Variants in FSCN1 observed in about 807,000 individuals in gnomAD.
FSCN1 encodes fascin actin-bundling protein 1, also known as fascin.
FSCN1 carries 10 observed loss-of-function variants against 39.7 expected under a neutral mutation model. The ratio of observed to expected loss-of-function variants is 0.25; its 90% confidence interval spans 0.16 to 0.43. The LOEUF (loss-of-function observed/expected upper bound fraction) is 0.43, where lower values mean the gene tolerates loss of function less well. FSCN1 is among the 20% of genes least tolerant of loss of function. The pLI is 1.00. For missense variants in FSCN1, 525 were observed against 723.8 expected (o/e 0.73, Z 3.15); for synonymous variants, 322 against 320.0 (o/e 1.01, Z -0.07).
chr7:5,601,448 C>G (rs1481350201), intron 1 of FSCN1, among the ~76,000 whole-genome samples: 1 of 152,068 alleles, frequency 6.6e-6, no homozygotes, highest in African/African-American at 2.4e-5. Flanking sequence ...GGTGATCCAC[C>G]CGCCTCAGCT....
At position 5,603,990 on chromosome 7, in the gene FSCN1, C is replaced by T. The variant is rs1785883821; in HGVS notation, c.1239C>T (p.Val413=). 1.9e-6 allele frequency: 3 copies of T among 1,613,828 alleles called. No individual in the cohort carries two copies. The highest frequency in any genetic ancestry group is 1.7e-5 in the Admixed American group (1 of 59,998). Residue 413 remains valine (V), a synonymous_variant, in exon 4 of 5, where the codon GTC becomes GTT. Transcript: ENST00000382361. The surrounding 1 kb of genome is among the most constrained non-coding windows in gnomAD (Gnocchi z 8.5). ...TLDANRSSYD[V]FQLEFNDGAY... ...ACGCCAACCGCTCCAGCTATGACGT[C>T]TTCCAGCTGGAGTTCAACGATGGCG...
rs990613070 is a variant in FSCN1 at position 5,603,732 on chromosome 7, G to A, written c.1111+115G>A. 1 of 1,526,270 alleles carries A rather than the reference G, an allele frequency of 6.6e-7. No homozygotes were observed. The highest frequency in any genetic ancestry group is 9.0e-7 in the Non-Finnish European group (1 of 1,114,748). The allele number at this position is 1,526,270 out of a possible 1,614,324, so 94.5% of individuals were successfully genotyped here. On this transcript the variant is annotated intron_variant, in intron 3 of 4. Transcript: ENST00000382361. This position sits in a 1 kb window ranked among gnomAD's most constrained non-coding sequence, Gnocchi z 8.5. ...CTGCTCTGTGCTGGGCATCCCCCCGGACTGGCCCCGCACTGTCCTACCCTG... is the reference window on the plus strand; with the variant it reads ...CTGCTCTGTGCTGGGCATCCCCCCGAACTGGCCCCGCACTGTCCTACCCTG...
Position 5,599,281 on chromosome 7 carries a change from G to A in FSCN1, c.833-3976G>A, listed in dbSNP as rs1584301158. 6.6e-6 allele frequency among the ~76,000 whole-genome samples: 1 copy of A among 152,106 alleles called. No individual in the cohort carries two copies. Among genetic ancestry groups the A allele is most frequent in the African/African-American group, 2.4e-5 (1 of 41,410 alleles). On this transcript the variant is annotated intron_variant, in intron 1 of 4. Transcript: ENST00000382361. This position sits in a 1 kb window ranked among gnomAD's most constrained non-coding sequence, Gnocchi z 5.6. ...GAACCTGGGGGGTGGAGCCCAAGGG[G>A]TTCCAAGAAGGGGCGGGGCCAGGAA...
At position 5,593,353 on chromosome 7, in the gene FSCN1, C is replaced by G; in HGVS notation, c.417C>G (p.His139Gln). ...AEKWSVHIAMHPQVNIYSVTR... is the reference protein window; with the variant it reads ...AEKWSVHIAMQPQVNIYSVTR... ...AGTGGAGCGTGCACATCGCCATGCA[C>G]CCTCAGGTCAACATCTACAGCGTCA... The change falls in exon 1 of 5, where the codon CAC (histidine) becomes CAG (glutamine). Residue 139 changes from histidine (H) to glutamine (Q), a missense_variant. His to Gln is a conservative substitution (Grantham distance 24, BLOSUM62 0). This residue lies in a region of FSCN1 where 246 missense variants were observed against 350.6 expected (regional missense o/e 0.70). Coordinates refer to ENST00000382361, the MANE Select transcript of FSCN1 (RefSeq NM_003088.4). 2 of 1,612,366 alleles carry G rather than the reference C, an allele frequency of 1.2e-6. No individual in the cohort carries two copies. The highest frequency in any genetic ancestry group is 1.7e-6 in the Non-Finnish European group (2 of 1,179,798).
intron 1 of FSCN1, chr7:5,594,980 C>G (rs572943931): frequency 1.3e-5 from 2 of 152,486 alleles, no homozygotes; most frequent in South Asian, 4.1e-4. Flanking sequence ...TTCCTTTTGG[C>G]GTCCTCTTCC....
At position 5,605,377 on chromosome 7, in the gene FSCN1, C is replaced by T; in HGVS notation, c.1385C>T (p.Ala462Val). ...FFEFCDYNKV[A>V]IKVGGRYLKG... ...GAGTTCTGCGACTATAACAAGGTGG[C>T]CATCAAGGTGGGCGGGCGCTACCTG... is the stretch of plus-strand genomic sequence containing the variant. Residue 462 changes from alanine (A) to valine (V), a missense_variant, in exon 5 of 5, where the codon GCC (alanine) becomes GTC (valine). Physicochemically the swap from Ala to Val is moderately conservative, Grantham distance 64. Coordinates refer to ENST00000382361, the MANE Select transcript of FSCN1 (RefSeq NM_003088.4). This position sits in a 1 kb window ranked among gnomAD's most constrained non-coding sequence, Gnocchi z 6.9. 2 of 1,613,678 alleles carry T rather than the reference C, an allele frequency of 1.2e-6. No homozygotes were observed. The highest frequency in any genetic ancestry group is 2.2e-5 in the South Asian group (2 of 91,086).
Position 5,603,233 on chromosome 7 carries a change from C to T in FSCN1, c.833-24C>T. On this transcript the variant is annotated intron_variant, in intron 1 of 4. Coordinates refer to ENST00000382361, the MANE Select transcript of FSCN1 (RefSeq NM_003088.4). This position sits in a 1 kb window ranked among gnomAD's most constrained non-coding sequence, Gnocchi z 8.5. ...ACTAGGGGGCGTGGGGCCCCAGTACCAGCCCAAGGCCTCCTCTCTGCAGGT... is the reference window on the plus strand; with the variant it reads ...ACTAGGGGGCGTGGGGCCCCAGTACTAGCCCAAGGCCTCCTCTCTGCAGGT... 2 of 1,610,834 alleles carry T rather than the reference C, an allele frequency of 1.2e-6. No homozygotes were observed. The highest frequency in any genetic ancestry group is 8.5e-7 in the Non-Finnish European group (1 of 1,179,640).
In FSCN1 at chr7:5,603,679, G is replaced by A. The variant is rs1006644731; in HGVS notation, c.1111+62G>A. On this transcript the variant is annotated intron_variant, in intron 3 of 4. Coordinates refer to ENST00000382361, the MANE Select transcript of FSCN1 (RefSeq NM_003088.4). This position sits in a 1 kb window ranked among gnomAD's most constrained non-coding sequence, Gnocchi z 8.5. ...GAGTCCTGGAGGGTCTGGCCATGCC[G>A]TGGTCACTTGGTAGCCCCAGCCAAG... is the stretch of plus-strand genomic sequence containing the variant. 7.2e-5 allele frequency: 116 copies of A among 1,606,076 alleles called. 1 individual carries two copies. The East Asian group carries it at 8.0e-4, about 11-fold the overall frequency.
intron 1 of FSCN1, chr7:5,594,022 G>C: frequency 2.0e-6 from 1 of 506,438 alleles, no homozygotes; most frequent in Admixed American, 4.0e-5. Flanking sequence ...CCGCGGAGTC[G>C]CAACCGTACG....
rs896422779 is a variant in FSCN1 at position 5,604,181 on chromosome 7, C to T, written c.1279+151C>T. ...AAAGGGACAGGTGTCTGATGGCCAC[C>T]AGGGGCTCTGGGATGCAAGCAGCCC... On this transcript the variant is annotated intron_variant, in intron 4 of 4. Coordinates refer to ENST00000382361, the MANE Select transcript of FSCN1 (RefSeq NM_003088.4). 4 of 697,254 alleles carry T rather than the reference C, an allele frequency of 5.7e-6. No homozygotes were observed. The Admixed American group carries it at 8.6e-5, about 15-fold the overall frequency. 43.2% of individuals were successfully genotyped at this position (697,254 alleles called of 1,614,324 possible).
rs1274870541 is a variant in FSCN1 at position 5,599,145 on chromosome 7, C to T, written c.833-4112C>T. On this transcript the variant is annotated intron_variant, in intron 1 of 4. Coordinates refer to ENST00000382361, the MANE Select transcript of FSCN1 (RefSeq NM_003088.4). The surrounding 1 kb of genome is among the most constrained non-coding windows in gnomAD (Gnocchi z 5.6). ...ACCCTGGGACCCAGCCCCTGCTCAC[C>T]TTATCCTCCTCCCGTGCTTGGCTGG... Among the ~76,000 whole-genome samples the T allele has an allele frequency of 6.6e-6, 1 of 152,146 alleles. No homozygotes were observed. Among genetic ancestry groups the T allele is most frequent in the Non-Finnish European group, 1.5e-5 (1 of 67,990 alleles).
chr7:5,597,021 A>C (rs988147701), intron 1 of FSCN1, among the ~76,000 whole-genome samples: 1 of 152,158 alleles, frequency 6.6e-6, no homozygotes, highest in Non-Finnish European at 1.5e-5. Context: ...TGAGGCAACC[A>C]GGGGGTGCCC....
intron 1 of FSCN1, among the ~76,000 whole-genome samples, chr7:5,600,635 G>A (rs1428626480): frequency 6.7e-6 from 1 of 149,746 alleles, no homozygotes; most frequent in Non-Finnish European, 1.5e-5. Context: ...GGGATTACAG[G>A]CGCCCGGCAC....
chr7:5,602,471 C>T (rs1447927099), intron 1 of FSCN1, among the ~76,000 whole-genome samples: 2 of 152,038 alleles, frequency 1.3e-5, no homozygotes, highest in Non-Finnish European at 2.9e-5. Context: ...TGTGCTGCAG[C>T]CCCATTTGTC....
At chr7:5,595,897 C>G (rs1169715294) in intron 1 of FSCN1, among the ~76,000 whole-genome samples, 1 of 152,110 alleles carries the variant, frequency 6.6e-6, no homozygotes, top group African/African-American at 2.4e-5. Flanking sequence ...CAGATAACTC[C>G]CCTCTCCTGA....
chr7:5,593,865 C>G (rs1374374971), intron 1 of FSCN1, 97 bp downstream of exon 1: 3 of 873,638 alleles, frequency 3.4e-6, no homozygotes, highest in Admixed American at 5.8e-5. Flanking sequence ...CTCGCGGCGC[C>G]GCTGCGGTCC....
chr7:5,594,225 C>T (rs1448835031), intron 1 of FSCN1, among the ~76,000 whole-genome samples: 1 of 151,782 alleles, frequency 6.6e-6, no homozygotes, highest in Non-Finnish European at 1.5e-5. Flanking sequence ...GCCTCCACCC[C>T]CACCGGCAGC....
At chr7:5,597,096 A>G (rs942483656) in intron 1 of FSCN1, among the ~76,000 whole-genome samples, 2 of 152,208 alleles carry the variant, frequency 1.3e-5, no homozygotes, top group African/African-American at 4.8e-5. Flanking sequence ...CTGTAATCCA[A>G]GCACTTTGGG....
In FSCN1 at chr7:5,592,909, G is replaced by C; in HGVS notation, c.-28G>C. On this transcript the variant is annotated 5_prime_UTR_variant, in exon 1 of 5. Coordinates refer to ENST00000382361, the MANE Select transcript of FSCN1 (RefSeq NM_003088.4). The surrounding 1 kb of genome is among the most constrained non-coding windows in gnomAD (Gnocchi z 5.3). ...GACCCGCCACCCACCTCCCGGGGCC[G>C]CGCAGCGGCCTCTCGTCTACTGCCA... is the stretch of plus-strand genomic sequence containing the variant. The C allele has an allele frequency of 7.1e-7, 1 of 1,400,490 alleles. No individual in the cohort carries two copies. Among genetic ancestry groups the C allele is most frequent in the Non-Finnish European group, 9.5e-7 (1 of 1,053,514 alleles). 86.8% of individuals were successfully genotyped at this position (1,400,490 alleles called of 1,614,324 possible).
Sources: gnomAD v4.1 joint callset for allele counts (sites outside exome capture counted in the v4.1 genomes callset) on GRCh38, gnomAD v4.1.1 for gene constraint, gnomAD v4.1.1 regional missense constraint, Gnocchi (gnomAD v3.1) non-coding constraint, MANE v1.5 for transcripts, NCBI Gene and HGNC (gene_info 2026-07-23, HGNC 2026-07-21) for gene names.